Variants in HSD3B1 observed in about 807,000 individuals in gnomAD.
HSD3B1 encodes 3 beta-hydroxysteroid dehydrogenase/Delta 5-->4-isomerase type 1.
Under a neutral mutation model 10.4 loss-of-function variants are expected in HSD3B1, and 11 were observed. The ratio of observed to expected loss-of-function variants is 1.05; its 90% CI spans 0.66 to 1.75. The LOEUF (loss-of-function observed/expected upper bound fraction) is 1.75, where lower values mean the gene tolerates loss of function less well. Ranked by LOEUF, HSD3B1 falls within the 40% of genes most tolerant of loss-of-function variation. HSD3B1 has a pLI of 0.00. For synonymous variants in HSD3B1, 217 were observed against 185.4 expected (o/e 1.17, Z -1.39); for missense variants, 490 against 454.5 (o/e 1.08, Z -0.71).
chr1:119,514,198 T>C lies in HSD3B1; in HGVS notation c.675T>C (p.Tyr225=). The C allele has an allele frequency of 6.2e-7, 1 of 1,613,132 alleles. No individual in the cohort carries two copies. Among genetic ancestry groups the C allele is most frequent in the Non-Finnish European group, 8.5e-7 (1 of 1,179,060 alleles). Residue 225 remains tyrosine, a synonymous_variant, in exon 4 of 4, where the codon TAT becomes TAC. Coordinates refer to ENST00000369413, the MANE Select transcript of HSD3B1 (RefSeq NM_000862.3). ...VGKFSTVNPV[Y]VGNVAWAHIL... is the part of the protein sequence containing the mutation. ...AGTTCTCCACTGTTAACCCAGTCTA[T>C]GTTGGCAATGTGGCCTGGGCCCACA...
At chr1:119,507,786 T>A in intron 2 of HSD3B1, 165 bp downstream of exon 2, 1 of 689,748 alleles carries the variant, frequency 1.4e-6, no homozygotes, top group Non-Finnish European at 2.4e-6. Flanking sequence ...TAAAATGGCA[T>A]AGTATGAAAG....
rs1226186105 is a variant in HSD3B1, at chr1:119,514,233, T to C, written c.710T>C (p.Leu237Ser). 12 of 1,614,012 alleles carry C rather than the reference T, an allele frequency of 7.4e-6. No individual in the cohort carries two copies. The highest frequency in any genetic ancestry group is 9.3e-6 in the Non-Finnish European group (11 of 1,180,022). Residue 237 changes from leucine (L) to serine (S), a missense_variant, in exon 4 of 4, where the codon TTG becomes TCG. Coordinates refer to ENST00000369413, the MANE Select transcript of HSD3B1 (RefSeq NM_000862.3). ...GTGGCCTGGGCCCACATTCTGGCCT[T>C]GAGGGCCCTGCAGGACCCCAAGAAG... The part of the protein sequence containing the change: ...GNVAWAHILA[L>S]RALQDPKKAP...
At chr1:119,508,397 T>G (rs1319991397) in intron 2 of HSD3B1, among the ~76,000 whole-genome samples, 2 of 151,488 alleles carry the variant, frequency 1.3e-5, no homozygotes, top group African/African-American at 2.4e-5. Flanking sequence ...AACATTTACC[T>G]CTGTTGCTCA....
rs1311495966 is a variant in HSD3B1, at chr1:119,507,480, A to G, written c.4A>G (p.Thr2Ala). M[T>A]GWSCLVTGAG... ...ATTCCTGCTACTTTGGATGGCCATGACGGGCTGGAGCTGCCTTGTGACAGG... is the reference window on the plus strand; with the variant it reads ...ATTCCTGCTACTTTGGATGGCCATGGCGGGCTGGAGCTGCCTTGTGACAGG... Residue 2 changes from threonine (T) to alanine (A), a missense_variant, in exon 2 of 4, where the codon ACG (threonine) becomes GCG (alanine). Thr to Ala is a moderately conservative substitution (Grantham distance 58). Transcript: ENST00000369413. The G allele has an allele frequency of 6.2e-7, 1 of 1,613,830 alleles. No homozygotes were observed. The highest frequency in any genetic ancestry group is 1.1e-5 in the South Asian group (1 of 91,076).
At position 119,514,319 on chromosome 1, in the gene HSD3B1, G is replaced by C. The variant is rs974158801; in HGVS notation, c.796G>C (p.Asp266His). The C allele has an allele frequency of 1.9e-6, 3 of 1,613,968 alleles. No homozygotes were observed. The highest frequency in any genetic ancestry group is 1.3e-5 in the African/African-American group (1 of 74,900). Reference protein sequence around the residue: ...ISDDTPHQSYDNLNYTLSKEF... With the variant: ...ISDDTPHQSYHNLNYTLSKEF... ...AGATGACACGCCTCACCAAAGCTAT[G>C]ATAACCTTAATTACACCCTGAGCAA... is the stretch of plus-strand genomic sequence containing the variant. Residue 266 changes from aspartate (D) to histidine (H), a missense_variant, in exon 4 of 4, where the codon GAT (aspartate) becomes CAT (histidine). By Grantham distance (81) the Asp-to-His change is moderately conservative. Coordinates refer to ENST00000369413, the MANE Select transcript of HSD3B1 (RefSeq NM_000862.3).
chr1:119,512,985 C>A (rs989536973), intron 3 of HSD3B1, among the ~76,000 whole-genome samples: 2 of 152,284 alleles, frequency 1.3e-5, no homozygotes, highest in South Asian at 4.1e-4. Context: ...ACTATGGGTA[C>A]CTCCATGAGC....
At position 119,507,408 on chromosome 1, in the gene HSD3B1, C is replaced by T. The variant is rs367575472; in HGVS notation, c.-69C>T. The stretch of plus-strand genomic sequence containing the variant: ...TCTTTTTAGCCCTCTCCAGGGTCAC[C>T]CTAGAATCAGATCTGCTCCCCAGCA... On this transcript the variant is annotated 5_prime_UTR_variant, in exon 2 of 4. Coordinates refer to ENST00000369413, the MANE Select transcript of HSD3B1 (RefSeq NM_000862.3). 7 of 1,549,486 alleles carry T rather than the reference C, an allele frequency of 4.5e-6. No individual in the cohort carries two copies. The highest frequency in any genetic ancestry group is 2.2e-5 in the East Asian group (1 of 44,500).
At position 119,511,505 on chromosome 1, in the gene HSD3B1, C is replaced by T; in HGVS notation, c.148C>T (p.Leu50Phe). The stretch of plus-strand genomic sequence containing the variant: ...TGACCTGACCTGTGTTCACACAGAA[C>T]TCCAGAACAAGACCAAGCTGACAGT... ...GPELREEFSK[L>F]QNKTKLTVLE... Residue 50 changes from leucine to phenylalanine, a missense_variant and splice_region_variant, in exon 3 of 4, where the codon CTC becomes TTC. By Grantham distance (22) the Leu-to-Phe change is conservative (BLOSUM62 0). Coordinates refer to ENST00000369413, the MANE Select transcript of HSD3B1 (RefSeq NM_000862.3). The T allele has an allele frequency of 6.2e-7, 1 of 1,613,660 alleles. No individual in the cohort carries two copies. The highest frequency in any genetic ancestry group is 2.2e-5 in the East Asian group (1 of 44,856).
At chr1:119,510,389 A>T (rs2101458170) in intron 2 of HSD3B1, among the ~76,000 whole-genome samples, 1 of 151,662 alleles carries the variant, frequency 6.6e-6, no homozygotes, top group East Asian at 1.9e-4. Context: ...TAATGACTCC[A>T]CTCTCCTCCC....
intron 2 of HSD3B1, among the ~76,000 whole-genome samples, chr1:119,509,776 G>A (rs587688831): frequency 2.0e-5 from 3 of 152,262 alleles, no homozygotes; most frequent in South Asian, 2.1e-4. Flanking sequence ...CTCCAGCTTC[G>A]AATTTTTCAC....
At chr1:119,508,087 TA>T (rs1454961055) in intron 2 of HSD3B1, 14 of 162,090 alleles carry the variant, frequency 8.6e-5, no homozygotes, top group Admixed American at 5.3e-4. Flanking sequence ...GAGGGCAAAA[TA>T]AAAGGAAGTT....
At chr1:119,513,700 C>A in intron 3 of HSD3B1, 134 bp from the exon 4 acceptor site, 1 of 842,950 alleles carries the variant, frequency 1.2e-6, no homozygotes, top group Non-Finnish European at 1.9e-6. Flanking sequence ...CAGACAGAAC[C>A]ACAGAAGAAT....
At chr1:119,509,404 A>G (rs1413751960) in intron 2 of HSD3B1, among the ~76,000 whole-genome samples, 1 of 152,220 alleles carries the variant, frequency 6.6e-6, no homozygotes, top group Non-Finnish European at 1.5e-5. Context: ...GGGAGCCATG[A>G]CTTCATCAAC....
chr1:119,513,061 C>G (rs587713893), intron 3 of HSD3B1, among the ~76,000 whole-genome samples: 2 of 152,312 alleles, frequency 1.3e-5, no homozygotes, highest in Non-Finnish European at 2.9e-5. Flanking sequence ...CAGCAGAGGA[C>G]ACACTTCTCT....
Position 119,514,629 on chromosome 1 carries a change from A to T in HSD3B1, c.1106A>T (p.Lys369Met). 1 of 1,613,848 alleles carries T rather than the reference A, an allele frequency of 6.2e-7. No individual in the cohort carries two copies. The highest frequency in any genetic ancestry group is 8.5e-7 in the Non-Finnish European group (1 of 1,179,934). Residue 369 changes from lysine (K) to methionine (M), a missense_variant, in exon 4 of 4, where the codon AAG becomes ATG. Physicochemically the swap from Lys to Met is moderately conservative, Grantham distance 95 (BLOSUM62 -1). Transcript: ENST00000369413. ...SLVDRHKETL[K>M]SKTQ ...GTGGACCGGCACAAGGAGACCCTGAAGTCCAAGACTCAGTGATTTAAGGAT... is the reference window on the plus strand; with the variant it reads ...GTGGACCGGCACAAGGAGACCCTGATGTCCAAGACTCAGTGATTTAAGGAT...
At position 119,514,892 on chromosome 1, in the gene HSD3B1, A is replaced by C; in HGVS notation, c.*247A>C. 4 of 541,828 alleles carry C rather than the reference A, an allele frequency of 7.4e-6. No individual in the cohort carries two copies. Among genetic ancestry groups the C allele is most frequent in the South Asian group, 6.8e-5 (3 of 43,996 alleles). The allele number at this position is 541,828 out of a possible 1,614,324, so 33.6% of individuals were successfully genotyped here. A position where few individuals can be genotyped will look rare whatever the true frequency, so the allele number is the denominator to read the frequency against. ...ATGTGGTTTGCTGTTACCAAATCTC[A>C]GTAGCTGATTCTGAACAATTTAGGG... On this transcript the variant is annotated 3_prime_UTR_variant, in exon 4 of 4. Coordinates refer to ENST00000369413, the MANE Select transcript of HSD3B1 (RefSeq NM_000862.3).
Position 119,511,518 on chromosome 1 carries a change from C to T in HSD3B1, c.161C>T (p.Thr54Ile), listed in dbSNP as rs3088283. The T allele has an allele frequency of 6.2e-7, 1 of 1,613,814 alleles. No homozygotes were observed. The highest frequency in any genetic ancestry group is 8.5e-7 in the Non-Finnish European group (1 of 1,179,784). The change falls in exon 3 of 4, where the codon ACC becomes ATC. Residue 54 changes from threonine (T) to isoleucine (I), a missense_variant. Coordinates refer to ENST00000369413, the MANE Select transcript of HSD3B1 (RefSeq NM_000862.3). ...GTTCACACAGAACTCCAGAACAAGACCAAGCTGACAGTGCTGGAAGGAGAC... is the reference window on the plus strand; with the variant it reads ...GTTCACACAGAACTCCAGAACAAGATCAAGCTGACAGTGCTGGAAGGAGAC... ...REEFSKLQNK[T>I]KLTVLEGDIL...
rs1345323250 is a variant in HSD3B1 at position 119,514,089 on chromosome 1, A to G, written c.566A>G (p.Tyr189Cys). The G allele has an allele frequency of 5.6e-6, 9 of 1,614,134 alleles. No individual in the cohort carries two copies. The highest frequency in any genetic ancestry group is 1.6e-4 in the Middle Eastern group (1 of 6,062). The change falls in exon 4 of 4, where the codon TAT becomes TGT. Residue 189 changes from tyrosine to cysteine, a missense_variant. Physicochemically the swap from Tyr to Cys is radical, Grantham distance 194. Transcript: ENST00000369413. ...TLYTCALRPM[Y>C]IYGEGSRFLS... Reference sequence around the variant, plus strand: ...TACACTTGTGCCTTACGACCCATGTATATCTATGGGGAAGGAAGCCGATTC... The same window carrying G: ...TACACTTGTGCCTTACGACCCATGTGTATCTATGGGGAAGGAAGCCGATTC...
At position 119,513,892 on chromosome 1, in the gene HSD3B1, C is replaced by T. The variant is rs910800240; in HGVS notation, c.369C>T (p.Thr123=). ...VQASVPVFIY[T]SSIEVAGPNS... ...CTAGTGTGCCAGTCTTCATCTACACCAGTAGCATAGAGGTAGCCGGGCCCA... is the reference window on the plus strand; with the variant it reads ...CTAGTGTGCCAGTCTTCATCTACACTAGTAGCATAGAGGTAGCCGGGCCCA... Residue 123 remains threonine (T), a synonymous_variant, in exon 4 of 4, where the codon ACC becomes ACT. Coordinates refer to ENST00000369413, the MANE Select transcript of HSD3B1 (RefSeq NM_000862.3). 3.7e-6 allele frequency: 6 copies of T among 1,613,850 alleles called. No homozygotes were observed. In the Admixed American group the frequency reaches 8.3e-5, roughly 22 times the overall value.
Sources: gnomAD v4.1 joint callset for allele counts (sites outside exome capture counted in the v4.1 genomes callset) on GRCh38, gnomAD v4.1.1 for gene constraint, MANE v1.5 for transcripts, NCBI Gene and HGNC (gene_info 2026-07-23, HGNC 2026-07-21) for gene names.